TRIM52: variants seen among roughly 807,000 people sequenced by gnomAD.
TRIM52 encodes tripartite motif containing 52.
Under a neutral mutation model 27.0 loss-of-function variants are expected in TRIM52, and 24 were observed. That is an observed-to-expected ratio of 0.89 (90% CI 0.64 to 1.25). TRIM52 has a LOEUF of 1.25. Among genes scored for constraint, TRIM52 ranks in the 50% most tolerant of loss-of-function variants. The pLI is 0.00. For synonymous variants in TRIM52, 125 were observed against 126.5 expected, an observed-to-expected ratio of 0.99 and a Z score of 0.08; for missense variants, 351 against 354.7, an observed-to-expected ratio of 0.99 and a Z score of 0.08.
chr5:181,260,537 C>A lies in TRIM52; in HGVS notation c.277G>T (p.Glu93Ter). Reference protein sequence around the residue: ...REVLYRGNADEELFQDQDDDE... With the variant: ...REVLYRGNAD ...TCATCTTGGTCTTGGAACAACTCTT[C>A]GTCAGCATTCCCCCGATACAACACC... is the stretch of plus-strand genomic sequence containing the variant. The change falls in exon 1 of 2, where the codon GAA (glutamate) becomes TAA (stop). Residue 93 changes from glutamate (E) to a stop codon, truncating the protein, a stop_gained. Transcript: ENST00000688015. LOFTEE classifies it high-confidence loss of function. The surrounding 1 kb of genome is among the most constrained non-coding windows in gnomAD (Gnocchi z 4.4). 1 of 1,613,976 alleles carries A rather than the reference C, an allele frequency of 6.2e-7. No homozygotes were observed. The highest frequency in any genetic ancestry group is 1.3e-5 in the African/African-American group (1 of 74,978).
chr5:181,258,338 C>T (rs149485230), intron 1 of TRIM52: 3,302 of 152,250 alleles, frequency 0.022, 34 homozygotes, highest in Middle Eastern at 0.037. Flanking sequence ...TGCAGTGAGC[C>T]GAGATCATGC....
chr5:181,260,878 G>T lies in TRIM52; in HGVS notation c.-65C>A. ...GCTGAGGAGCGGGGACGCGCCTGCAGGCCTGCCTCCAAACTACTCTGGTGA... is the reference window on the plus strand; with the variant it reads ...GCTGAGGAGCGGGGACGCGCCTGCATGCCTGCCTCCAAACTACTCTGGTGA... On this transcript the variant is annotated 5_prime_UTR_variant, in exon 1 of 2. The change creates a new upstream start codon in the 5' untranslated region. Transcript: ENST00000688015. This position sits in a 1 kb window ranked among gnomAD's most constrained non-coding sequence, Gnocchi z 4.4. 1 of 1,514,226 alleles carries T rather than the reference G, an allele frequency of 6.6e-7. No individual in the cohort carries two copies. The highest frequency in any genetic ancestry group is 8.8e-7 in the Non-Finnish European group (1 of 1,131,020). 93.8% of individuals were successfully genotyped at this position (1,514,226 alleles called of 1,614,324 possible). A position where few individuals can be genotyped will look rare whatever the true frequency, so the allele number is the denominator to read the frequency against.
rs1243958878 is a variant in TRIM52 at position 181,255,285 on chromosome 5, C to T, written c.*1524G>A. On this transcript the variant is annotated 3_prime_UTR_variant, in exon 2 of 2. Transcript: ENST00000688015. ...AATAACACTCTTGCACTGCTTTCTC[C>T]CCAAAGCTAGATATATCAAAACATT... 1 of 152,098 alleles carries T rather than the reference C, an allele frequency of 6.6e-6. No individual in the cohort carries two copies. Among genetic ancestry groups the T allele is most frequent in the Non-Finnish European group, 1.5e-5 (1 of 68,016 alleles). The allele number at this position is 152,098 out of a possible 1,614,324, so 9.4% of individuals were successfully genotyped here. A position where few individuals can be genotyped will look rare whatever the true frequency, so the allele number is the denominator to read the frequency against.
At chr5:181,257,043 A>C (rs931556274) in intron 1 of TRIM52, 184 bp from the exon 2 acceptor site, 18 of 994,294 alleles carry the variant, frequency 1.8e-5, no homozygotes, top group Non-Finnish European at 2.2e-5. Flanking sequence ...CAATCCAGGC[A>C]TCCAGTTATG....
rs1290622397 is a variant in TRIM52, at chr5:181,260,140, C to G, written c.674G>C (p.Gly225Ala). ...GGCTTCCTGGTGTTTAAAGCACATG[C>G]CCTGATCATTACTCCGGTTTCCCCG... ...PYRGNRSNDQ[G>A]MCFKHQEALK... The change falls in exon 1 of 2, where the codon GGC (glycine) becomes GCC (alanine). Residue 225 changes from glycine to alanine, a missense_variant. By Grantham distance (60) the Gly-to-Ala change is moderately conservative. Transcript: ENST00000688015. This position sits in a 1 kb window ranked among gnomAD's most constrained non-coding sequence, Gnocchi z 4.4. 6.2e-7 allele frequency: 1 copy of G among 1,614,206 alleles called. No individual in the cohort carries two copies. Among genetic ancestry groups the G allele is most frequent in the Non-Finnish European group, 8.5e-7 (1 of 1,180,040 alleles).
Position 181,260,499 on chromosome 5 carries a change from C to A in TRIM52, c.315G>T (p.Trp105Cys). 6.2e-7 allele frequency: 1 copy of A among 1,613,962 alleles called. No homozygotes were observed. The highest frequency in any genetic ancestry group is 8.5e-7 in the Non-Finnish European group (1 of 1,179,980). ...AATTAGTTATACCACTGTCACCGAG[C>A]CAGAGTTCATCGTCATCTTGGTCTT... is the stretch of plus-strand genomic sequence containing the variant. Reference protein sequence around the residue: ...LFQDQDDDELWLGDSGITNWD... With the variant: ...LFQDQDDDELCLGDSGITNWD... Residue 105 changes from tryptophan to cysteine, a missense_variant, in exon 1 of 2, where the codon TGG becomes TGT. Physicochemically the swap from Trp to Cys is radical, Grantham distance 215. Coordinates refer to ENST00000688015, the MANE Select transcript of TRIM52 (RefSeq NM_001346048.2). This position sits in a 1 kb window ranked among gnomAD's most constrained non-coding sequence, Gnocchi z 4.4.
intron 1 of TRIM52, chr5:181,259,370 G>C (rs1403629910): frequency 6.4e-6 from 1 of 155,148 alleles, no homozygotes; most frequent in Non-Finnish European, 1.4e-5. Flanking sequence ...TAAAATACCA[G>C]GAAAGAAAAG....
At chr5:181,257,509 A>G in intron 1 of TRIM52, 1 of 1,604,956 alleles carries the variant, frequency 6.2e-7, no homozygotes, top group Non-Finnish European at 8.5e-7. Context: ...ATTATGAAAA[A>G]TGAAGTTTTT....
Position 181,260,775 on chromosome 5 carries a change from G to C in TRIM52, c.39C>G (p.Thr13=), listed in dbSNP as rs751567554. 4.3e-6 allele frequency: 7 copies of C among 1,609,472 alleles called. No individual in the cohort carries two copies. The highest frequency in any genetic ancestry group is 5.9e-6 in the Non-Finnish European group (7 of 1,176,784). ...GYATTPSPMQ[T]LQEEAVCAIC... is the part of the protein sequence containing the mutation. ...TGGCACACACCGCTTCCTCCTGAAG[G>C]GTCTGCATGGGGCTGGGAGTAGTGG... Residue 13 remains threonine, a synonymous_variant, in exon 1 of 2, where the codon ACC becomes ACG. Transcript: ENST00000688015. The surrounding 1 kb of genome is among the most constrained non-coding windows in gnomAD (Gnocchi z 4.4).
chr5:181,251,742 T>C (rs970586520), downstream of TRIM52, among the ~76,000 whole-genome samples: 9 of 152,178 alleles, frequency 5.9e-5, no homozygotes, highest in Middle Eastern at 3.2e-3. Flanking sequence ...CAACTGTTAG[T>C]TCTCATGGTC....
At chr5:181,256,988 T>A in intron 1 of TRIM52, 129 bp from the exon 2 acceptor site, 7 of 989,178 alleles carry the variant, frequency 7.1e-6, no homozygotes, top group Non-Finnish European at 8.4e-6. Context: ...TGGTCCCTCT[T>A]GCAGAGTGAT....
Position 181,260,259 on chromosome 5 carries a change from C to A in TRIM52, c.555G>T (p.Gln185His), listed in dbSNP as rs750943334. Residue 185 changes from glutamine (Q) to histidine (H), a missense_variant, in exon 1 of 2, where the codon CAG becomes CAT. Coordinates refer to ENST00000688015, the MANE Select transcript of TRIM52 (RefSeq NM_001346048.2). The surrounding 1 kb of genome is among the most constrained non-coding windows in gnomAD (Gnocchi z 4.4). ...LPLPGQFTCP[Q>H]CRKSFTRRSF... is the part of the protein sequence containing the mutation. ...TGCGACGTGTAAAGCTCTTTCGGCA[C>A]TGGGGGCAGGTGAACTGCCCTGGAA... is the stretch of plus-strand genomic sequence containing the variant. 6.2e-7 allele frequency: 1 copy of A among 1,614,188 alleles called. No homozygotes were observed. Among genetic ancestry groups the A allele is most frequent in the Non-Finnish European group, 8.5e-7 (1 of 1,180,026 alleles).
chr5:181,258,543 A>G (rs1759886746), intron 1 of TRIM52: 3 of 151,998 alleles, frequency 2.0e-5, no homozygotes, highest in Admixed American at 1.3e-4. Flanking sequence ...CCTTCAAGTC[A>G]GGTTAATGTA....
In TRIM52 at chr5:181,261,073, A is replaced by T. The variant is rs1202304412; in HGVS notation, c.-260T>A. ...GCTCGGTCCTGTCACGTCTCTCGCT[A>T]CCCTCAGGGTGTGCCCTACACTGCG... is the stretch of plus-strand genomic sequence containing the variant. On this transcript the variant is annotated 5_prime_UTR_variant, in exon 1 of 2. Transcript: ENST00000688015. The T allele has an allele frequency of 2.1e-6, 1 of 480,070 alleles. No individual in the cohort carries two copies. Among genetic ancestry groups the T allele is most frequent in the Non-Finnish European group, 3.7e-6 (1 of 270,816 alleles). The allele number at this position is 480,070 out of a possible 1,614,324, so 29.7% of individuals were successfully genotyped here.
At position 181,260,007 on chromosome 5, in the gene TRIM52, C is replaced by T. The variant is rs1194126107; in HGVS notation, c.807G>A (p.Glu269=). The T allele has an allele frequency of 6.2e-7, 1 of 1,613,798 alleles. No homozygotes were observed. The highest frequency in any genetic ancestry group is 8.5e-7 in the Non-Finnish European group (1 of 1,180,042). ...ATTCCCTCATTTCTCTCACCTGGTA[C>T]TCCTGCACCACCTCCTCCAAAGGCA... ...SVLPLEEVVQ[E]YQKIGSTSSV... is the part of the protein sequence containing the mutation. Residue 269 remains glutamate (E), a synonymous_variant, in exon 1 of 2, where the codon GAG becomes GAA. Coordinates refer to ENST00000688015, the MANE Select transcript of TRIM52 (RefSeq NM_001346048.2). This position sits in a 1 kb window ranked among gnomAD's most constrained non-coding sequence, Gnocchi z 4.4.
At chr5:181,253,129 A>G (rs112479780), downstream of TRIM52, among the ~76,000 whole-genome samples, 4 of 115,304 alleles carry the variant, frequency 3.5e-5, no homozygotes, top group African/African-American at 9.9e-5. Context: ...TCCTCCTCCC[A>G]GGTTCAAGTG....
intron 1 of TRIM52, chr5:181,259,072 C>T (rs888520970): frequency 6.6e-6 from 1 of 152,210 alleles, no homozygotes; most frequent in Non-Finnish European, 1.5e-5. Context: ...GAAGATGGTA[C>T]TCATGCTCAT....
At position 181,256,024 on chromosome 5, in the gene TRIM52, T is replaced by C. The variant is rs1476869171; in HGVS notation, c.*785A>G. 4 of 152,382 alleles carry C rather than the reference T, an allele frequency of 2.6e-5. No homozygotes were observed. The East Asian group carries it at 7.7e-4, about 29-fold the overall frequency. 9.4% of individuals were successfully genotyped at this position (152,382 alleles called of 1,614,324 possible). ...ATGTACTGTTTCTCACAGTGGTCTA[T>C]GCTGACAGCAAGGCTGAAGATTTCC... On this transcript the variant is annotated 3_prime_UTR_variant, in exon 2 of 2. Coordinates refer to ENST00000688015, the MANE Select transcript of TRIM52 (RefSeq NM_001346048.2).
chr5:181,260,943 C>G lies in TRIM52; in HGVS notation c.-130G>C. On this transcript the variant is annotated 5_prime_UTR_variant, in exon 1 of 2. Coordinates refer to ENST00000688015, the MANE Select transcript of TRIM52 (RefSeq NM_001346048.2). The surrounding 1 kb of genome is among the most constrained non-coding windows in gnomAD (Gnocchi z 4.4). Reference sequence around the variant, plus strand: ...CAACCTTGCTCTTCTTCCTCGGGGCCGCAGGGGAGCTTTGACCCCCTCTCT... The same window carrying G: ...CAACCTTGCTCTTCTTCCTCGGGGCGGCAGGGGAGCTTTGACCCCCTCTCT... 1 of 1,367,504 alleles carries G rather than the reference C, an allele frequency of 7.3e-7. No individual in the cohort carries two copies. The highest frequency in any genetic ancestry group is 9.7e-7 in the Non-Finnish European group (1 of 1,036,008). 84.7% of individuals were successfully genotyped at this position (1,367,504 alleles called of 1,614,324 possible).
Sources: gnomAD v4.1 joint callset for allele counts (sites outside exome capture counted in the v4.1 genomes callset) on GRCh38, gnomAD v4.1.1 for gene constraint, Gnocchi (gnomAD v3.1) non-coding constraint, MANE v1.5 for transcripts, NCBI Gene and HGNC (gene_info 2026-07-23, HGNC 2026-07-21) for gene names.